The following CSNK1G3 variants were observed in gnomAD, a reference collection of about 807,000 sequenced individuals.
CSNK1G3 encodes the protein casein kinase I isoform gamma-3.
Under a neutral mutation model 64.3 loss-of-function variants are expected in CSNK1G3, and 23 were observed. The observed-to-expected ratio is 0.36, with a 90% CI of 0.26 to 0.51. The LOEUF (loss-of-function observed/expected upper bound fraction) is 0.51. CSNK1G3 is among the 20% of genes least tolerant of loss of function. The pLI, the probability that CSNK1G3 is intolerant of heterozygous loss-of-function variation, is 0.96. For missense variants in CSNK1G3, 357 were observed against 510.5 expected, an observed-to-expected ratio of 0.70 and a Z score of 2.90; for synonymous variants, 158 against 162.2, an observed-to-expected ratio of 0.97 and a Z score of 0.20.
intron 12 of CSNK1G3, among the ~76,000 whole-genome samples, chr5:123,610,583 G>A (rs562012870): frequency 6.6e-6 from 1 of 152,316 alleles, no homozygotes; most frequent in African/African-American, 2.4e-5. Flanking sequence ...GCACAAGCCT[G>A]TATGTGTTTT....
At chr5:123,581,508 G>A (rs1049531806) in intron 6 of CSNK1G3, among the ~76,000 whole-genome samples, 1 of 151,124 alleles carries the variant, frequency 6.6e-6, no homozygotes, top group African/African-American at 2.4e-5. Flanking sequence ...CAAGAATTAT[G>A]TCTAAATTAA....
intron 4 of CSNK1G3, among the ~76,000 whole-genome samples, chr5:123,561,403 C>T (rs1785680997): frequency 6.6e-6 from 1 of 152,104 alleles, no homozygotes; most frequent in Non-Finnish European, 1.5e-5. Flanking sequence ...GTGGACTACT[C>T]CATTGGATAT....
intron 1 of CSNK1G3, among the ~76,000 whole-genome samples, chr5:123,522,729 T>G (rs1415538296): frequency 6.6e-6 from 1 of 152,140 alleles, no homozygotes; most frequent in Non-Finnish European, 1.5e-5. Context: ...ACAGATGCTT[T>G]TTTTTCCCTG....
intron 1 of CSNK1G3, among the ~76,000 whole-genome samples, chr5:123,532,365 T>TA (rs1780077236): frequency 6.6e-6 from 1 of 151,882 alleles, no homozygotes; most frequent in African/African-American, 2.4e-5. Flanking sequence ...CAAACTGCCC[T>TA]AAATAATTTT....
chr5:123,561,336 A>C (rs771599214), intron 4 of CSNK1G3, among the ~76,000 whole-genome samples: 2 of 152,244 alleles, frequency 1.3e-5, no homozygotes, highest in African/African-American at 2.4e-5. Context: ...AATGGATGAG[A>C]TCTCCCTGAG....
intron 1 of CSNK1G3, among the ~76,000 whole-genome samples, chr5:123,528,549 C>G (rs1184596121): frequency 6.6e-6 from 1 of 152,062 alleles, no homozygotes; most frequent in Non-Finnish European, 1.5e-5. Flanking sequence ...AAAACATTGT[C>G]CCATATCTTT....
chr5:123,580,404 CATA>C (rs1790015636), intron 6 of CSNK1G3, among the ~76,000 whole-genome samples: 1 of 151,918 alleles, frequency 6.6e-6, no homozygotes, highest in Admixed American at 6.6e-5. Flanking sequence ...TGTAAAATCA[CATA>C]ATAAGAATTA....
chr5:123,598,862 A>G (rs1441029391), intron 10 of CSNK1G3, among the ~76,000 whole-genome samples: 2 of 152,182 alleles, frequency 1.3e-5, no homozygotes, highest in Non-Finnish European at 2.9e-5. Flanking sequence ...TACAGCTGTC[A>G]AAAGTCTGTA....
intron 7 of CSNK1G3, 26 bp from the exon 8 acceptor site, chr5:123,588,401 C>T: frequency 6.4e-7 from 1 of 1,556,406 alleles, no homozygotes; most frequent in South Asian, 1.1e-5. Context: ...TTACCACATT[C>T]TCAAGATTTT....
In CSNK1G3 at chr5:123,520,700, A is replaced by G. The variant is rs1029603794; in HGVS notation, c.-248+8130A>G. Among the ~76,000 whole-genome samples, 4 of 152,180 alleles carry G rather than the reference A, an allele frequency of 2.6e-5. No homozygotes were observed. The East Asian group carries it at 5.8e-4, about 22-fold the overall frequency. Reference sequence around the variant, plus strand: ...TGGCCATATAATATCTTTTGGTACAAATATACATTATAAAATTAGTGGACT... The same window carrying G: ...TGGCCATATAATATCTTTTGGTACAGATATACATTATAAAATTAGTGGACT... On this transcript the variant is annotated intron_variant, in intron 1 of 12. Transcript: ENST00000345990.
At chr5:123,571,755 C>T (rs761795533) in intron 4 of CSNK1G3, among the ~76,000 whole-genome samples, 2 of 148,458 alleles carry the variant, frequency 1.3e-5, no homozygotes, top group African/African-American at 5.0e-5. Context: ...TTTGTTTTCT[C>T]TTTCAATATA....
At position 123,604,718 on chromosome 5, in the gene CSNK1G3, A is replaced by T. The variant is rs114475286; in HGVS notation, c.1087-6A>T. On this transcript the variant is annotated splice_region_variant and splice_polypyrimidine_tract_variant and intron_variant, in intron 10 of 12. Transcript: ENST00000345990. ...TACATATATAAAAAATTTTTTTTTC[A>T]AACAGGTTGTAAGTTCTACAAATGG... The T allele has an allele frequency of 1.3e-6, 2 of 1,597,790 alleles. No homozygotes were observed. The highest frequency in any genetic ancestry group is 1.7e-6 in the Non-Finnish European group (2 of 1,171,800).
chr5:123,596,734 TATTCA>T (rs1793513820), intron 10 of CSNK1G3, among the ~76,000 whole-genome samples: 1 of 152,140 alleles, frequency 6.6e-6, no homozygotes, highest in Non-Finnish European at 1.5e-5. Flanking sequence ...TTCATCCTAA[TATTCA>T]ATAAGTGATT....
intron 2 of CSNK1G3, 82 bp downstream of exon 2, chr5:123,545,923 TTTAA>T (rs781535738): frequency 2.4e-5 from 28 of 1,153,288 alleles, no homozygotes; most frequent in South Asian, 4.3e-5. Context: ...GATTTAGTTA[TTTAA>T]TTGTTTAGTT....
intron 1 of CSNK1G3, among the ~76,000 whole-genome samples, chr5:123,518,125 A>G (rs1312421787): frequency 6.6e-6 from 1 of 152,156 alleles, no homozygotes; most frequent in Non-Finnish European, 1.5e-5. Context: ...TATAGTTCCA[A>G]CATCTCCATC....
At chr5:123,611,653 C>A (rs1449548518) in intron 12 of CSNK1G3, among the ~76,000 whole-genome samples, 1 of 152,090 alleles carries the variant, frequency 6.6e-6, no homozygotes, top group East Asian at 1.9e-4. Flanking sequence ...ATTAAATTGC[C>A]CATTTCAAAG....
At position 123,539,437 on chromosome 5, in the gene CSNK1G3, T is replaced by TAA. The variant is rs375475060; in HGVS notation, c.-247-5963_-247-5962dup. On this transcript the variant is annotated intron_variant, in intron 1 of 12. Transcript: ENST00000345990. The stretch of plus-strand genomic sequence containing the variant: ...CTCCAGCCTGGGTGAAAGAGCAGAT[T>TAA]AAAAAAAAAAAAAAAAAAGATTATC... 2.1e-3 allele frequency among the ~76,000 whole-genome samples: 286 copies of TAA among 133,234 alleles called. 2 individuals are homozygous for TAA. Among genetic ancestry groups the TAA allele is most frequent in the Non-Finnish European group, 2.4e-3 (151 of 62,820 alleles). The allele number at this position is 133,234 out of a possible 152,430, so 87.4% of individuals were successfully genotyped here. A position where few individuals can be genotyped will look rare whatever the true frequency, so the allele number is the denominator to read the frequency against.
chr5:123,567,175 A>G (rs1787077860), intron 4 of CSNK1G3, among the ~76,000 whole-genome samples: 1 of 152,220 alleles, frequency 6.6e-6, no homozygotes, highest in East Asian at 1.9e-4. Flanking sequence ...ACAGTACAGG[A>G]AAGACCCAGT....
At chr5:123,588,661 C>A in intron 8 of CSNK1G3, 150 bp downstream of exon 8, 1 of 618,608 alleles carries the variant, frequency 1.6e-6, no homozygotes. Flanking sequence ...ATGCCGAACC[C>A]ACAGGGACAC....
Sources: gnomAD v4.1 joint callset for allele counts (sites outside exome capture counted in the v4.1 genomes callset) on GRCh38, gnomAD v4.1.1 for gene constraint, MANE v1.5 for transcripts, NCBI Gene and HGNC (gene_info 2026-07-23, HGNC 2026-07-21) for gene names.